The following PYCR3 variants were observed in gnomAD, a reference collection of about 807,000 sequenced individuals.
PYCR3 encodes the protein P5C reductase 3.
In PYCR3, 26 loss-of-function variants were observed where a neutral mutation model predicts 23.4. That is an observed-to-expected ratio of 1.11 (90% CI 0.81 to 1.54). The LOEUF is 1.54. PYCR3 is among the 40% of genes most tolerant of loss of function. The pLI is 0.00. For missense variants in PYCR3, 360 were observed against 376.3 expected (o/e 0.96, Z 0.36); for synonymous variants, 194 against 162.6 (o/e 1.19, Z -1.47).
rs770990589 is a variant in PYCR3, at chr8:143,605,714, G to A, written c.811C>T (p.Leu271Phe). 1.3e-6 allele frequency: 2 copies of A among 1,599,594 alleles called. No homozygotes were observed. The highest frequency in any genetic ancestry group is 1.7e-6 in the Non-Finnish European group (2 of 1,170,014). ...CAGAGCCCAGCCTACTTTCTGCTGA[G>A]CTCCTTGGCCCGGCAGGTGGCAGCC... is the stretch of plus-strand genomic sequence containing the variant. ...VEAATCRAKE[L>F]SRK The change falls in exon 6 of 6, where the codon CTC (leucine) becomes TTC (phenylalanine). Residue 271 changes from leucine to phenylalanine, a missense_variant. Transcript: ENST00000495276.
Position 143,607,143 on chromosome 8 carries a change from G to A in PYCR3, c.157-11C>T, listed in dbSNP as rs1829425680. ...CCGGCAACCCAGAGCCTGCGCCAGGGACACCAGGACCAAGCCTCAGGGGCC... is the reference window on the plus strand; with the variant it reads ...CCGGCAACCCAGAGCCTGCGCCAGGAACACCAGGACCAAGCCTCAGGGGCC... On this transcript the variant is annotated splice_polypyrimidine_tract_variant and intron_variant, in intron 2 of 5. Coordinates refer to ENST00000495276, the MANE Select transcript of PYCR3 (RefSeq NM_023078.6). The A allele has an allele frequency of 9.7e-6, 15 of 1,545,080 alleles. No homozygotes were observed. Among genetic ancestry groups the A allele is most frequent in the Non-Finnish European group, 1.3e-5 (15 of 1,142,624 alleles).
At chr8:143,606,038 TC>T in intron 5 of PYCR3, 23 bp downstream of exon 5, 1 of 1,597,430 alleles carries the variant, frequency 6.3e-7, no homozygotes, top group Non-Finnish European at 8.5e-7. Flanking sequence ...TTCCCGATGT[TC>T]CCCAGGGGCC....
rs777217731 is a variant in PYCR3, at chr8:143,606,660, CGT to C, written c.354_355del (p.Arg119GlyfsTer44). On this transcript the variant is annotated frameshift_variant, in exon 4 of 6. Coordinates refer to ENST00000495276, the MANE Select transcript of PYCR3 (RefSeq NM_023078.6). LOFTEE classifies it high-confidence loss of function. ...CAGGTTGGGCAAGACCCGCAGCACC[CGT>C]GTGTTTGGGGGCAGCAGCTGGCCAG... 9 of 1,598,984 alleles carry C rather than the reference CGT, an allele frequency of 5.6e-6. No homozygotes were observed. In the South Asian group the frequency reaches 1.0e-4, roughly 18 times the overall value.
rs59431154 is a variant in PYCR3, at chr8:143,607,768, C to T, written c.156+294G>A. 4.6e-3 allele frequency among the ~76,000 whole-genome samples: 693 copies of T among 152,284 alleles called. 3 individuals are homozygous for T. The highest frequency in any genetic ancestry group is 0.024 in the Middle Eastern group (7 of 294). ...ACGTGCAAACGCACATGAGCACATACATACACACATGCACACGCATAGCCT... is the reference window on the plus strand; with the variant it reads ...ACGTGCAAACGCACATGAGCACATATATACACACATGCACACGCATAGCCT... On this transcript the variant is annotated intron_variant, in intron 2 of 5. Coordinates refer to ENST00000495276, the MANE Select transcript of PYCR3 (RefSeq NM_023078.6).
intron 4 of PYCR3, 133 bp from the exon 5 acceptor site, chr8:143,606,287 G>T (rs1035934091): frequency 2.9e-5 from 33 of 1,118,780 alleles, no homozygotes; most frequent in Non-Finnish European, 4.2e-5. Flanking sequence ...CTGCAAAGGG[G>T]CTGGCCTCAA....
Position 143,604,605 on chromosome 8 carries a change from C to G in PYCR3, c.*1095G>C, listed in dbSNP as rs1829339495. 1 of 307,714 alleles carries G rather than the reference C, an allele frequency of 3.2e-6. No homozygotes were observed. Among genetic ancestry groups the G allele is most frequent in the African/African-American group, 2.3e-5 (1 of 44,360 alleles). The allele number at this position is 307,714 out of a possible 1,614,324, so 19.1% of individuals were successfully genotyped here. On this transcript the variant is annotated 3_prime_UTR_variant, in exon 6 of 6. Transcript: ENST00000495276. ...GAGGCTGTTGGGCGGAAGCCGAGAG[C>G]TGCAGCAGTTGGGGCCAGCGTGGGA... is the stretch of plus-strand genomic sequence containing the variant.
At chr8:143,609,410 G>A (rs1403306751) in intron 1 of PYCR3, 48 bp downstream of exon 1, 5 of 1,437,238 alleles carry the variant, frequency 3.5e-6, no homozygotes, top group Non-Finnish European at 4.5e-6. Flanking sequence ...CACCTCCCAC[G>A]GGGCTGCTCC....
chr8:143,606,199 T>C (rs1438471964), intron 4 of PYCR3, 45 bp from the exon 5 acceptor site: 4 of 1,515,148 alleles, frequency 2.6e-6, no homozygotes, highest in East Asian at 4.8e-5. Flanking sequence ...TGTCAAAGCC[T>C]GGGGGCTCAG....
rs1829353394 is a variant in PYCR3, at chr8:143,605,008, A to AGCCACCCCACCTACCACTGCCCACCTGGT, written c.*663_*691dup. Reference sequence around the variant, plus strand: ...GCCAGGGCCACCCTCCCAGACCTCAAGCCACCCCACCTACCACTGCCCACC... The same window carrying AGCCACCCCACCTACCACTGCCCACCTGGT: ...GCCAGGGCCACCCTCCCAGACCTCAAGCCACCCCACCTACCACTGCCCACCTGGTGCCACCCCACCTACCACTGCCCACC... On this transcript the variant is annotated 3_prime_UTR_variant, in exon 6 of 6. Transcript: ENST00000495276. 1 of 463,458 alleles carries AGCCACCCCACCTACCACTGCCCACCTGGT rather than the reference A, an allele frequency of 2.2e-6. No homozygotes were observed. Among genetic ancestry groups the AGCCACCCCACCTACCACTGCCCACCTGGT allele is most frequent in the African/African-American group, 2.0e-5 (1 of 50,380 alleles). The allele number at this position is 463,458 out of a possible 1,614,324, so 28.7% of individuals were successfully genotyped here. A position where few individuals can be genotyped will look rare whatever the true frequency, so the allele number is the denominator to read the frequency against.
Position 143,608,050 on chromosome 8 carries a change from C to T in PYCR3, c.156+12G>A, listed in dbSNP as rs771642247. The T allele has an allele frequency of 2.7e-5, 43 of 1,607,942 alleles. No individual in the cohort carries two copies. Among genetic ancestry groups the T allele is most frequent in the Middle Eastern group, 3.3e-4 (2 of 6,072 alleles). Reference sequence around the variant, plus strand: ...CTCCTGAGGGTATGAAGAACCTGGGCTCTATGCTCACTTGAAAGTGACATA... The same window carrying T: ...CTCCTGAGGGTATGAAGAACCTGGGTTCTATGCTCACTTGAAAGTGACATA... On this transcript the variant is annotated intron_variant, in intron 2 of 5. Coordinates refer to ENST00000495276, the MANE Select transcript of PYCR3 (RefSeq NM_023078.6).
rs1472753807 is a variant in PYCR3, at chr8:143,605,169, G to GCGGGGGCC, written c.*530_*531insGGCCCCCG. The stretch of plus-strand genomic sequence containing the variant: ...CAGCTCCCCATGGGGGCCCCATCAG[G>GCGGGGGCC]CCAGGGCCCCTGGCTTTACTGCAGG... On this transcript the variant is annotated 3_prime_UTR_variant, in exon 6 of 6. Transcript: ENST00000495276. The GCGGGGGCC allele has an allele frequency of 8.0e-4, 275 of 343,854 alleles. 4 individuals are homozygous for GCGGGGGCC. The highest frequency in any genetic ancestry group is 5.7e-3 in the African/African-American group (266 of 46,308). 21.3% of individuals were successfully genotyped at this position (343,854 alleles called of 1,614,324 possible). A position where few individuals can be genotyped will look rare whatever the true frequency, so the allele number is the denominator to read the frequency against.
Position 143,609,496 on chromosome 8 carries a change from C to A in PYCR3, c.53G>T (p.Arg18Leu), listed in dbSNP as rs1346325204. 19 of 1,514,236 alleles carry A rather than the reference C, an allele frequency of 1.3e-5. No homozygotes were observed. The highest frequency in any genetic ancestry group is 1.5e-5 in the Non-Finnish European group (17 of 1,139,160). 93.8% of individuals were successfully genotyped at this position (1,514,236 alleles called of 1,614,324 possible). ...GCCCTGCGCGATGGCCCCCGCCATG[C>A]GGCCCGCGCCCACGAAGCCCACGCG... ...PRRVGFVGAGRMAGAIAQGLI... is the reference protein window; with the variant it reads ...PRRVGFVGAGLMAGAIAQGLI... The change falls in exon 1 of 6, where the codon CGC becomes CTC. Residue 18 changes from arginine to leucine, a missense_variant. By Grantham distance (102) the Arg-to-Leu change is moderately radical. Coordinates refer to ENST00000495276, the MANE Select transcript of PYCR3 (RefSeq NM_023078.6).
rs1349673621 is a variant in PYCR3 at position 143,603,523 on chromosome 8, G to A, written c.*2177C>T. On this transcript the variant is annotated 3_prime_UTR_variant, in exon 6 of 6. Transcript: ENST00000495276. ...TTGGGATCTCCACCTCCCGAGCTGA[G>A]CTCACCTAGTGCCCAGGGCTTGTCA... Among the ~76,000 whole-genome samples the A allele has an allele frequency of 6.6e-6, 1 of 152,200 alleles. No individual in the cohort carries two copies. The highest frequency in any genetic ancestry group is 2.4e-5 in the African/African-American group (1 of 41,452).
At chr8:143,609,032 C>A (rs1321458238) in intron 1 of PYCR3, among the ~76,000 whole-genome samples, 20 of 152,240 alleles carry the variant, frequency 1.3e-4, no homozygotes, top group Admixed American at 1.3e-3. Context: ...CCTCCCCCCA[C>A]CCAGGGGACA....
Position 143,608,138 on chromosome 8 carries a change from G to C in PYCR3, c.92-12C>G, listed in dbSNP as rs369964675. On this transcript the variant is annotated splice_polypyrimidine_tract_variant and intron_variant, in intron 1 of 5. Transcript: ENST00000495276. ...AGCTTCCACTTTTCCTGGAAAGAAA[G>C]GAAAAGGAAGAGGGGTTGGTGAAGG... The C allele has an allele frequency of 1.4e-5, 22 of 1,611,130 alleles. No individual in the cohort carries two copies. In the African/African-American group the frequency reaches 2.8e-4, roughly 21 times the overall value.
At position 143,605,177 on chromosome 8, in the gene PYCR3, C is replaced by A; in HGVS notation, c.*523G>T. ...CATGGGGGCCCCATCAGGCCAGGGC[C>A]CCTGGCTTTACTGCAGGGGAGAGGG... On this transcript the variant is annotated 3_prime_UTR_variant, in exon 6 of 6. Coordinates refer to ENST00000495276, the MANE Select transcript of PYCR3 (RefSeq NM_023078.6). 2.9e-6 allele frequency: 1 copy of A among 340,050 alleles called. No homozygotes were observed. The allele number at this position is 340,050 out of a possible 1,614,324, so 21.1% of individuals were successfully genotyped here.
chr8:143,605,842 G>C lies in PYCR3; in HGVS notation c.683C>G (p.Ala228Gly). 2 of 1,611,024 alleles carry C rather than the reference G, an allele frequency of 1.2e-6. No homozygotes were observed. Among genetic ancestry groups the C allele is most frequent in the South Asian group, 2.2e-5 (2 of 91,022 alleles). Reference sequence around the variant, plus strand: ...GGTGCACACGTCTGAGCGCAGCTGGGCTGGGTGTTGGCCCTCGTGCAGCAG... The same window carrying C: ...GGTGCACACGTCTGAGCGCAGCTGGCCTGGGTGTTGGCCCTCGTGCAGCAG... The part of the protein sequence containing the change: ...KMLLHEGQHP[A>G]QLRSDVCTPG... The change falls in exon 6 of 6, where the codon GCC becomes GGC. Residue 228 changes from alanine to glycine, a missense_variant. By Grantham distance (60) the Ala-to-Gly change is moderately conservative. Coordinates refer to ENST00000495276, the MANE Select transcript of PYCR3 (RefSeq NM_023078.6).
intron 1 of PYCR3, chr8:143,608,535 C>T (rs1450934159): frequency 3.2e-6 from 1 of 309,142 alleles, no homozygotes. Flanking sequence ...CCAGGTTCTT[C>T]GAGAGGGAGA....
Position 143,604,625 on chromosome 8 carries a change from G to A in PYCR3, c.*1075C>T, listed in dbSNP as rs931715445. ...GAGAGCTGCAGCAGTTGGGGCCAGCGTGGGACTGGAGGCCCAGGTGAATCT... is the reference window on the plus strand; with the variant it reads ...GAGAGCTGCAGCAGTTGGGGCCAGCATGGGACTGGAGGCCCAGGTGAATCT... On this transcript the variant is annotated 3_prime_UTR_variant, in exon 6 of 6. Transcript: ENST00000495276. 8 of 312,818 alleles carry A rather than the reference G, an allele frequency of 2.6e-5. No homozygotes were observed. Among genetic ancestry groups the A allele is most frequent in the South Asian group, 1.0e-4 (4 of 38,974 alleles). 19.4% of individuals were successfully genotyped at this position (312,818 alleles called of 1,614,324 possible).
Sources: gnomAD v4.1 joint callset for allele counts (sites outside exome capture counted in the v4.1 genomes callset) on GRCh38, gnomAD v4.1.1 for gene constraint, MANE v1.5 for transcripts, NCBI Gene and HGNC (gene_info 2026-07-23, HGNC 2026-07-21) for gene names.